Variants in NCKAP1L observed in about 807,000 individuals in gnomAD.
NCKAP1L encodes NCK associated protein 1 like.
In NCKAP1L, 53 loss-of-function variants were observed where a neutral mutation model predicts 139.2. The ratio of observed to expected loss-of-function variants is 0.38; its 90% CI spans 0.31 to 0.48. The LOEUF (loss-of-function observed/expected upper bound fraction) is 0.48. Among genes scored for constraint, NCKAP1L ranks in the 20% least tolerant of loss-of-function variants. The probability of loss-of-function intolerance (pLI) is 0.98; values close to 1 mark genes in which losing one functional copy is unlikely to be tolerated. For synonymous variants in NCKAP1L, 468 were observed against 499.7 expected (o/e 0.94, Z 0.85); for missense variants, 1,151 against 1,381.9 (o/e 0.83, Z 2.65).
In NCKAP1L at chr12:54,499,303, G is replaced by A. The variant is rs1956777751; in HGVS notation, c.103-52G>A. On this transcript the variant is annotated intron_variant, in intron 1 of 30. Transcript: ENST00000293373. Reference sequence around the variant, plus strand: ...GAATGAATGTTGCAAGAAGAGGTATGTTTCTGAGGAGGAGGAGAAAGGGTT... The same window carrying A: ...GAATGAATGTTGCAAGAAGAGGTATATTTCTGAGGAGGAGGAGAAAGGGTT... The A allele has an allele frequency of 6.9e-6, 7 of 1,008,786 alleles. No individual in the cohort carries two copies. In the Admixed American group the frequency reaches 1.2e-4, roughly 18 times the overall value. 62.5% of individuals were successfully genotyped at this position (1,008,786 alleles called of 1,614,324 possible). A position where few individuals can be genotyped will look rare whatever the true frequency, so the allele number is the denominator to read the frequency against.
chr12:54,520,514 G>C (rs1021059406), intron 16 of NCKAP1L, among the ~76,000 whole-genome samples, 180 bp from the exon 17 acceptor site: 1 of 152,158 alleles, frequency 6.6e-6, no homozygotes, highest in African/African-American at 2.4e-5. Flanking sequence ...CTATCTTAAG[G>C]GTTACAGAAA....
intron 18 of NCKAP1L, among the ~76,000 whole-genome samples, chr12:54,522,235 T>G (rs911095341): frequency 1.3e-5 from 2 of 152,198 alleles, no homozygotes; most frequent in African/African-American, 4.8e-5. Context: ...CAAGAAGATA[T>G]GCAAATGAGT....
At chr12:54,508,660 C>T (rs1956861821) in intron 5 of NCKAP1L, 129 bp downstream of exon 5, 9 of 931,694 alleles carry the variant, frequency 9.7e-6, no homozygotes, top group Non-Finnish European at 1.5e-5. Flanking sequence ...TTGACCCAGG[C>T]AAAATAAGGT....
chr12:54,526,007 T>C (rs965811382), intron 20 of NCKAP1L, among the ~76,000 whole-genome samples: 4 of 152,340 alleles, frequency 2.6e-5, no homozygotes, highest in African/African-American at 9.6e-5. Flanking sequence ...CAGCCACGCA[T>C]GATCTCTATT....
intron 9 of NCKAP1L, 85 bp from the exon 10 acceptor site, chr12:54,516,154 C>A: frequency 1.4e-6 from 2 of 1,415,476 alleles, no homozygotes; most frequent in Non-Finnish European, 2.0e-6. Flanking sequence ...AGGGTATAGG[C>A]TGGACTCTCT....
intron 3 of NCKAP1L, among the ~76,000 whole-genome samples, chr12:54,501,950 T>G (rs994583256): frequency 6.6e-6 from 1 of 152,236 alleles, no homozygotes; most frequent in Non-Finnish European, 1.5e-5. Context: ...TGAGGTATTA[T>G]CTCATCTAAG....
chr12:54,512,447 AG>A (rs1956896118), intron 9 of NCKAP1L: 2 of 216,738 alleles, frequency 9.2e-6, no homozygotes, highest in African/African-American at 4.5e-5. Context: ...GGATAATAGT[AG>A]TACCTCCCTA....
chr12:54,498,660 A>T (rs1956770189), intron 1 of NCKAP1L: 1 of 342,206 alleles, frequency 2.9e-6, no homozygotes, highest in African/African-American at 2.2e-5. Flanking sequence ...GCCCTTTGGG[A>T]TAAGATACTT....
At chr12:54,503,608 T>C (rs1027334824) in intron 3 of NCKAP1L, among the ~76,000 whole-genome samples, 1 of 151,634 alleles carries the variant, frequency 6.6e-6, no homozygotes, top group African/African-American at 2.4e-5. Flanking sequence ...TACACACATA[T>C]ATATATATAC....
intron 9 of NCKAP1L, among the ~76,000 whole-genome samples, chr12:54,513,962 C>T (rs1956908748): frequency 7.9e-6 from 1 of 126,804 alleles, no homozygotes; most frequent in Admixed American, 8.6e-5. Flanking sequence ...GATGTGCATC[C>T]TTCAGATGTG....
intron 6 of NCKAP1L, 25 bp downstream of exon 6, chr12:54,509,784 T>G (rs977350220): frequency 1.2e-6 from 2 of 1,614,050 alleles, no homozygotes; most frequent in East Asian, 2.2e-5. Context: ...AATGGAGAAT[T>G]CCTCAGGCAA....
In NCKAP1L at chr12:54,512,013, G is replaced by A. The variant is rs749792933; in HGVS notation, c.849G>A (p.Leu283=). The stretch of plus-strand genomic sequence containing the variant: ...GCCAGTGCCAGAAGCTGTGGAAGCT[G>A]TGTCTGCAGGGCTCCCTCTACATCA... The part of the protein sequence containing the change: ...SNSQCQKLWK[L]CLQGSLYITL... Residue 283 remains leucine (L), a synonymous_variant, in exon 9 of 31, where the codon CTG becomes CTA. Coordinates refer to ENST00000293373, the MANE Select transcript of NCKAP1L (RefSeq NM_005337.5). 6.2e-7 allele frequency: 1 copy of A among 1,614,226 alleles called. No individual in the cohort carries two copies. The highest frequency in any genetic ancestry group is 8.5e-7 in the Non-Finnish European group (1 of 1,180,028).
At position 54,518,879 on chromosome 12, in the gene NCKAP1L, T is replaced by C. The variant is rs376348176; in HGVS notation, c.1421-35T>C. The C allele has an allele frequency of 3.8e-6, 6 of 1,589,866 alleles. No homozygotes were observed. The Admixed American group carries it at 8.3e-5, about 22-fold the overall frequency. Reference sequence around the variant, plus strand: ...TGTAGTTGGATATTGGTGTGCTGTTTATTGTTTCCTTTTATACTTCCGTTT... The same window carrying C: ...TGTAGTTGGATATTGGTGTGCTGTTCATTGTTTCCTTTTATACTTCCGTTT... On this transcript the variant is annotated intron_variant, in intron 14 of 30. Coordinates refer to ENST00000293373, the MANE Select transcript of NCKAP1L (RefSeq NM_005337.5).
intron 16 of NCKAP1L, 73 bp from the exon 17 acceptor site, chr12:54,520,621 T>C: frequency 6.6e-7 from 1 of 1,514,372 alleles, no homozygotes. Context: ...ATTTTTCTTT[T>C]CCTTTATTTT....
chr12:54,503,133 T>A (rs1956814194), intron 3 of NCKAP1L, among the ~76,000 whole-genome samples: 1 of 152,170 alleles, frequency 6.6e-6, no homozygotes, highest in Non-Finnish European at 1.5e-5. Context: ...CTAGAATGAT[T>A]TCCAGCCTTT....
At chr12:54,525,372 TTTG>T (rs2120939710) in intron 20 of NCKAP1L, among the ~76,000 whole-genome samples, 1 of 152,356 alleles carries the variant, frequency 6.6e-6, no homozygotes, top group African/African-American at 2.4e-5. Context: ...GTTAAATTAG[TTTG>T]TTTTCATTAC....
intron 27 of NCKAP1L, among the ~76,000 whole-genome samples, 192 bp downstream of exon 27, chr12:54,535,389 A>G (rs535103530): frequency 6.6e-6 from 1 of 152,172 alleles, no homozygotes; most frequent in Non-Finnish European, 1.5e-5. Context: ...TCAGGTTTCA[A>G]CTAGTTGATC....
intron 9 of NCKAP1L, among the ~76,000 whole-genome samples, chr12:54,514,307 G>A (rs1956913133): frequency 6.7e-6 from 1 of 149,970 alleles, no homozygotes; most frequent in Admixed American, 6.7e-5. Flanking sequence ...TTGTGAATCT[G>A]TGAATATTTT....
In NCKAP1L at chr12:54,521,188, A is replaced by T; in HGVS notation, c.1828A>T (p.Ser610Cys). ...SFLEELAKQT[S>C]NCVLEICAEQ... is the part of the protein sequence containing the mutation. ...CCTGGAAGAGTTGGCCAAGCAGACC[A>T]GCAATTGCGTCCTGGAGATCTGTGC... The change falls in exon 18 of 31, where the codon AGC (serine) becomes TGC (cysteine). Residue 610 changes from serine (S) to cysteine (C), a missense_variant. Coordinates refer to ENST00000293373, the MANE Select transcript of NCKAP1L (RefSeq NM_005337.5). The T allele has an allele frequency of 5.0e-6, 8 of 1,614,136 alleles. No individual in the cohort carries two copies. Among genetic ancestry groups the T allele is most frequent in the African/African-American group, 1.3e-5 (1 of 75,030 alleles).
Sources: allele counts gnomAD v4.1 joint callset (sites outside exome capture counted in the v4.1 genomes callset), GRCh38; gene constraint gnomAD v4.1.1; transcripts MANE v1.5; gene names NCBI Gene and HGNC (gene_info 2026-07-23, HGNC 2026-07-21).